Variants in CAMK1D observed in about 807,000 individuals in gnomAD.
CAMK1D encodes calcium/calmodulin-dependent protein kinase type 1D.
A neutral mutation model predicts 47.7 loss-of-function variants in CAMK1D; 9 were observed. The ratio of observed to expected loss-of-function variants is 0.19; its 90% CI spans 0.11 to 0.33. The LOEUF (loss-of-function observed/expected upper bound fraction) is 0.33. Among genes scored for constraint, CAMK1D ranks in the 10% least tolerant of loss-of-function variants. The pLI is 1.00. For synonymous variants in CAMK1D, 184 were observed against 184.9 expected, an observed-to-expected ratio of 0.99 and a Z score of 0.04; for missense variants, 291 against 488.7, an observed-to-expected ratio of 0.60 and a Z score of 3.81.
At chr10:12,566,232 C>T (rs1049787427) in intron 2 of CAMK1D, among the ~76,000 whole-genome samples, 10 of 152,078 alleles carry the variant, frequency 6.6e-5, no homozygotes, top group Admixed American at 1.3e-4. Context: ...TGCTAGACAG[C>T]GGGAATAGGG....
intron 2 of CAMK1D, among the ~76,000 whole-genome samples, chr10:12,559,259 G>A (rs1836860475): frequency 6.6e-6 from 1 of 152,068 alleles, no homozygotes; most frequent in South Asian, 2.1e-4. Flanking sequence ...TCCAGTTTGG[G>A]TGACAGACTG....
At chr10:12,704,725 G>A (rs563643737) in intron 3 of CAMK1D, among the ~76,000 whole-genome samples, 1 of 152,170 alleles carries the variant, frequency 6.6e-6, no homozygotes, top group African/African-American at 2.4e-5. Flanking sequence ...TGCAATCTGC[G>A]ATGGCAAACA....
chr10:12,523,564 G>A (rs889191374), intron 1 of CAMK1D, among the ~76,000 whole-genome samples: 9 of 152,106 alleles, frequency 5.9e-5, no homozygotes, highest in South Asian at 2.1e-4. Context: ...CCAACACAGC[G>A]AAACCCCGTC....
chr10:12,636,739 A>G (rs961068524), intron 2 of CAMK1D, among the ~76,000 whole-genome samples: 1 of 152,176 alleles, frequency 6.6e-6, no homozygotes, highest in Non-Finnish European at 1.5e-5. Flanking sequence ...GCTTCCTCCA[A>G]AGCTGAGGCT....
intron 1 of CAMK1D, among the ~76,000 whole-genome samples, chr10:12,350,195 C>T (rs2131825573): frequency 6.6e-6 from 1 of 152,304 alleles, no homozygotes; most frequent in South Asian, 2.1e-4. Context: ...CCGCCGCCCT[C>T]TCCGCTGCCT....
At chr10:12,773,265 T>A (rs937822049) in intron 5 of CAMK1D, among the ~76,000 whole-genome samples, 3 of 152,222 alleles carry the variant, frequency 2.0e-5, no homozygotes, top group African/African-American at 7.2e-5. Flanking sequence ...TTTATTGAGT[T>A]CCTGCTGTGT....
At chr10:12,427,700 G>GTTTTTTTTTTTTTTTTTTTTT in intron 1 of CAMK1D, among the ~76,000 whole-genome samples, 425 of 31,024 alleles carry the variant, frequency 0.014, 149 homozygotes, top group Non-Finnish European at 0.019. Flanking sequence ...TGAACTTACT[G>GTTTTTTTTTTTTTTTTTTTTT]TTTTTTTTTT....
intron 3 of CAMK1D, among the ~76,000 whole-genome samples, chr10:12,734,538 A>G (rs563311837): frequency 1.4e-5 from 2 of 147,276 alleles, no homozygotes; most frequent in African/African-American, 5.1e-5. Flanking sequence ...ATATACACAC[A>G]TATGTATATA....
chr10:12,352,194 G>C (rs992066583), intron 1 of CAMK1D, among the ~76,000 whole-genome samples: 6 of 152,230 alleles, frequency 3.9e-5, no homozygotes, highest in African/African-American at 1.4e-4. Flanking sequence ...CAGATAGGCA[G>C]AGCAACTTTT....
intron 2 of CAMK1D, among the ~76,000 whole-genome samples, chr10:12,563,076 C>T (rs946371572): frequency 6.6e-6 from 1 of 152,236 alleles, no homozygotes. Flanking sequence ...CTGAGAAGCT[C>T]CACAATCCAC....
intron 1 of CAMK1D, among the ~76,000 whole-genome samples, chr10:12,538,691 A>C (rs78850001): frequency 0.028 from 4,231 of 152,206 alleles, 95 homozygotes; most frequent in Non-Finnish European, 0.044. Context: ...GATTAGATGC[A>C]GAAGAGCATT....
intron 1 of CAMK1D, among the ~76,000 whole-genome samples, chr10:12,356,435 C>T (rs1837518767): frequency 6.6e-6 from 1 of 152,174 alleles, no homozygotes; most frequent in Non-Finnish European, 1.5e-5. Flanking sequence ...GGCTTCTGGG[C>T]TCCCCTGGGG....
At chr10:12,480,731 C>T (rs1301490663) in intron 1 of CAMK1D, among the ~76,000 whole-genome samples, 1 of 152,220 alleles carries the variant, frequency 6.6e-6, no homozygotes, top group Non-Finnish European at 1.5e-5. Flanking sequence ...CCCACTTAGG[C>T]TGCCTAGCCC....
At chr10:12,801,532 T>A (rs1160402733) in intron 6 of CAMK1D, among the ~76,000 whole-genome samples, 1 of 151,708 alleles carries the variant, frequency 6.6e-6, no homozygotes, top group Non-Finnish European at 1.5e-5. Flanking sequence ...TGTTTATCCA[T>A]TCATCCTTCC....
chr10:12,465,779 A>G (rs899951404), intron 1 of CAMK1D, among the ~76,000 whole-genome samples: 2 of 152,326 alleles, frequency 1.3e-5, no homozygotes, highest in African/African-American at 4.8e-5. Flanking sequence ...TCCACATTAC[A>G]GATGAAGAGA....
intron 2 of CAMK1D, among the ~76,000 whole-genome samples, chr10:12,567,821 C>T (rs577565600): frequency 2.0e-4 from 31 of 152,218 alleles, no homozygotes; most frequent in Non-Finnish European, 2.8e-4. Context: ...CCCTAAAGCA[C>T]GGCAGAGTGC....
chr10:12,640,877 C>T (rs1208908567), intron 2 of CAMK1D, among the ~76,000 whole-genome samples: 1 of 152,178 alleles, frequency 6.6e-6, no homozygotes, highest in Non-Finnish European at 1.5e-5. Flanking sequence ...ACTGCATATT[C>T]TAAGTACATT....
chr10:12,446,366 C>T (rs1832925610), intron 1 of CAMK1D, among the ~76,000 whole-genome samples: 1 of 152,160 alleles, frequency 6.6e-6, no homozygotes, highest in African/African-American at 2.4e-5. Flanking sequence ...CTGATGTGGC[C>T]TTGGCATTTG....
intron 3 of CAMK1D, among the ~76,000 whole-genome samples, chr10:12,699,576 A>G (rs1008447421): frequency 2.0e-5 from 3 of 151,830 alleles, no homozygotes; most frequent in African/African-American, 4.8e-5. Flanking sequence ...AGCTGAACCA[A>G]TTGAGATGTC....
Sources: allele counts gnomAD v4.1 joint callset (sites outside exome capture counted in the v4.1 genomes callset), GRCh38; gene constraint gnomAD v4.1.1; transcripts MANE v1.5; gene names NCBI Gene and HGNC (gene_info 2026-07-23, HGNC 2026-07-21).